ANKH: variants seen among roughly 807,000 people sequenced by gnomAD.
ANKH encodes mineralization regulator ANKH.
In ANKH, 15 loss-of-function variants were observed where a neutral mutation model predicts 49.0. That is an observed-to-expected ratio of 0.31 (90% CI 0.20 to 0.47). The LOEUF (loss-of-function observed/expected upper bound fraction) is 0.47. Ranked by LOEUF, ANKH falls within the 20% of genes least tolerant of loss-of-function variation. The pLI is 1.00. For missense variants in ANKH, 429 were observed against 652.0 expected (o/e 0.66, Z 3.72); for synonymous variants, 273 against 260.0 (o/e 1.05, Z -0.48).
chr5:14,719,381 G>T (rs1282743367), intron 8 of ANKH, among the ~76,000 whole-genome samples: 4 of 152,224 alleles, frequency 2.6e-5, no homozygotes, highest in Non-Finnish European at 5.9e-5. Context: ...AGGCAAGTGA[G>T]CCATGGAGTG....
At chr5:14,733,737 G>T (rs907109334) in intron 8 of ANKH, among the ~76,000 whole-genome samples, 6 of 152,208 alleles carry the variant, frequency 3.9e-5, no homozygotes, top group African/African-American at 1.4e-4. Context: ...CGGTCATCGG[G>T]AGTTTCAGGC....
At chr5:14,756,458 C>T (rs152363) in intron 3 of ANKH, among the ~76,000 whole-genome samples, 42,452 of 152,004 alleles carry the variant, frequency 0.28, 8,426 homozygotes, top group African/African-American at 0.57. Context: ...GAAGATGCTA[C>T]GAGGGGAGCA....
rs893569979 is a variant in ANKH at position 14,776,312 on chromosome 5, T to C, written c.97-7121A>G. ...TTGAGATGCCCATTAGGATTCCAAA[T>C]AGAGAAGTTGTATGAGAGAGTCAGC... On this transcript the variant is annotated intron_variant, in intron 1 of 11. Coordinates refer to ENST00000284268, the MANE Select transcript of ANKH (RefSeq NM_054027.6). Among the ~76,000 whole-genome samples, 3 of 152,212 alleles carry C rather than the reference T, an allele frequency of 2.0e-5. No individual in the cohort carries two copies. The South Asian group carries it at 6.2e-4, about 32-fold the overall frequency.
chr5:14,809,669 A>G (rs1232878053), intron 1 of ANKH, among the ~76,000 whole-genome samples: 1 of 152,242 alleles, frequency 6.6e-6, no homozygotes, highest in Non-Finnish European at 1.5e-5. Flanking sequence ...TTCTGCAGGT[A>G]TGAAATGTAG....
chr5:14,797,421 G>A, intron 1 of ANKH: 2 of 1,611,024 alleles, frequency 1.2e-6, no homozygotes, highest in East Asian at 2.2e-5. Context: ...CTCATTGTGA[G>A]GTGACCACTG....
intron 1 of ANKH, among the ~76,000 whole-genome samples, chr5:14,812,851 T>C (rs1204123215): frequency 6.6e-6 from 1 of 152,220 alleles, no homozygotes; most frequent in African/African-American, 2.4e-5. Context: ...TGACTGTCTA[T>C]CTAGAAACAG....
intron 8 of ANKH, 150 bp from the exon 9 acceptor site, chr5:14,716,985 C>CT (rs1263867640): frequency 3.2e-6 from 3 of 949,352 alleles, no homozygotes; most frequent in Non-Finnish European, 4.8e-6. Context: ...GATCTGCCAC[C>CT]TGCTTGCTTG....
At chr5:14,754,138 G>A (rs1035041414) in intron 4 of ANKH, among the ~76,000 whole-genome samples, 40 of 152,170 alleles carry the variant, frequency 2.6e-4, no homozygotes, top group African/African-American at 9.4e-4. Flanking sequence ...ATCTGAACTC[G>A]GCTTCCACGC....
At chr5:14,811,974 G>GATAGA (rs1740896627) in intron 1 of ANKH, among the ~76,000 whole-genome samples, 1 of 152,106 alleles carries the variant, frequency 6.6e-6, no homozygotes, top group Admixed American at 6.5e-5. Flanking sequence ...AAGTCTGAAT[G>GATAGA]TAGAAAATAA....
In ANKH at chr5:14,768,654, T is replaced by A. The variant is rs1727469916; in HGVS notation, c.313+321A>T. ...CTTAAGATTTAATGACCCAGTACAA[T>A]GACGCACACATATCTCTAACGAAAG... On this transcript the variant is annotated intron_variant, in intron 2 of 11. Transcript: ENST00000284268. 1.2e-5 allele frequency: 5 copies of A among 431,396 alleles called. No homozygotes were observed. The South Asian group carries it at 1.2e-4, about 10-fold the overall frequency. The allele number at this position is 431,396 out of a possible 1,614,324, so 26.7% of individuals were successfully genotyped here.
At chr5:14,848,300 TAGGCTAAAAGCAGGAGGTA>T (rs1742024138) in intron 1 of ANKH, among the ~76,000 whole-genome samples, 1 of 152,068 alleles carries the variant, frequency 6.6e-6, no homozygotes, top group South Asian at 2.1e-4. Context: ...AAATACCAAT[TAGGCTAAAAGCAGGAGGTA>T]AAGAAATTGT....
intron 1 of ANKH, among the ~76,000 whole-genome samples, chr5:14,783,165 A>T (rs1181953037): frequency 6.6e-6 from 1 of 151,884 alleles, no homozygotes; most frequent in African/African-American, 2.4e-5. Context: ...GCAGTCATTA[A>T]ACAAGTTAGT....
chr5:14,804,309 C>T (rs1013049133), intron 1 of ANKH, among the ~76,000 whole-genome samples: 1 of 152,246 alleles, frequency 6.6e-6, no homozygotes, highest in Non-Finnish European at 1.5e-5. Flanking sequence ...ATGTCCCCAG[C>T]TCTGCGCCTC....
intron 8 of ANKH, among the ~76,000 whole-genome samples, chr5:14,727,014 G>A (rs1421985611): frequency 6.6e-6 from 1 of 152,202 alleles, no homozygotes; most frequent in Non-Finnish European, 1.5e-5. Flanking sequence ...AACCTCACAG[G>A]AGGGATGATG....
At chr5:14,819,681 CA>C (rs2126584668) in intron 1 of ANKH, among the ~76,000 whole-genome samples, 1 of 152,162 alleles carries the variant, frequency 6.6e-6, no homozygotes, top group East Asian at 1.9e-4. Context: ...GCCTGGGCAA[CA>C]AGGCAAAACC....
rs76569440 is a variant in ANKH, at chr5:14,753,897, T to C, written c.516+1964A>G. Among the ~76,000 whole-genome samples the C allele has an allele frequency of 1.5e-3, 228 of 152,324 alleles. 1 individual carries two copies. The highest frequency in any genetic ancestry group is 4.4e-3 in the African/African-American group (184 of 41,566). On this transcript the variant is annotated intron_variant, in intron 4 of 11. Coordinates refer to ENST00000284268, the MANE Select transcript of ANKH (RefSeq NM_054027.6). ...TTTTATCATTGGTGATTGGTGATTATGTGCTATTTATGCCAAGGTGATATT... is the reference window on the plus strand; with the variant it reads ...TTTTATCATTGGTGATTGGTGATTACGTGCTATTTATGCCAAGGTGATATT...
rs559939099 is a variant in ANKH, at chr5:14,748,046, C to T, written c.822+1126G>A. Among the ~76,000 whole-genome samples the T allele has an allele frequency of 9.2e-5, 14 of 152,192 alleles. No individual in the cohort carries two copies. The East Asian group carries it at 2.5e-3, about 27-fold the overall frequency. On this transcript the variant is annotated intron_variant, in intron 6 of 11. Transcript: ENST00000284268. ...CCCACGTGCTGTTCCTATATGCCAT[C>T]GAGAGCAATTTTCAAATGGCTCTAA...
chr5:14,840,235 A>C lies in ANKH; in HGVS notation c.96+31117T>G, dbSNP rs573926304. 3.3e-5 allele frequency among the ~76,000 whole-genome samples: 5 copies of C among 152,326 alleles called. No homozygotes were observed. In the East Asian group the frequency reaches 9.6e-4, roughly 29 times the overall value. Reference sequence around the variant, plus strand: ...AGTGAAGTGTCTGGCCAGGGCAAGGAATTTCCATAGCACTTTTTAAGAACA... The same window carrying C: ...AGTGAAGTGTCTGGCCAGGGCAAGGCATTTCCATAGCACTTTTTAAGAACA... On this transcript the variant is annotated intron_variant, in intron 1 of 11. Transcript: ENST00000284268.
At chr5:14,748,464 G>C (rs945544480) in intron 6 of ANKH, among the ~76,000 whole-genome samples, 1 of 152,248 alleles carries the variant, frequency 6.6e-6, no homozygotes, top group East Asian at 1.9e-4. Context: ...AGCAGTTCCA[G>C]AGATGGAATT....
Sources: gnomAD v4.1 joint callset for allele counts (sites outside exome capture counted in the v4.1 genomes callset) on GRCh38, gnomAD v4.1.1 for gene constraint, MANE v1.5 for transcripts, NCBI Gene and HGNC (gene_info 2026-07-23, HGNC 2026-07-21) for gene names.